Variants in NEBL observed in about 807,000 individuals in gnomAD.
The protein encoded by NEBL is LIM and SH3 protein 2.
A neutral mutation model predicts 140.2 loss-of-function variants in NEBL; 122 were observed. That is an observed-to-expected ratio of 0.87 (90% CI 0.75 to 1.01). The LOEUF (loss-of-function observed/expected upper bound fraction) is 1.01, where lower values mean the gene tolerates loss of function less well. Ranked by LOEUF, NEBL falls within the 50% of genes least tolerant of loss-of-function variation. The probability of loss-of-function intolerance (pLI) is 0.00; values close to 1 mark genes in which losing one functional copy is unlikely to be tolerated. For synonymous variants in NEBL, 436 were observed against 398.9 expected (o/e 1.09, Z -1.11); for missense variants, 1,365 against 1,231.3 (o/e 1.11, Z -1.62).
At chr10:21,067,150 T>C (rs1835600768) in intron 2 of NEBL, among the ~76,000 whole-genome samples, 1 of 151,820 alleles carries the variant, frequency 6.6e-6, no homozygotes, top group African/African-American at 2.4e-5. Flanking sequence ...TTTTGGTATT[T>C]ATAGTAGAGA....
At chr10:20,906,865 T>A (rs182989482) in intron 4 of NEBL, among the ~76,000 whole-genome samples, 1 of 152,134 alleles carries the variant, frequency 6.6e-6, no homozygotes, top group Non-Finnish European at 1.5e-5. Flanking sequence ...CTTTCTCTCC[T>A]ATTTCAATCA....
rs1166434709 is a variant in NEBL, at chr10:20,860,561, CAAAAAGAAAA to C, written c.685-745_685-736del. ...TTAGAATATAAACACAAGTTCACTA[CAAAAAGAAAA>C]AAAAAAAAAAAAAAAACCTAGCTAT... On this transcript the variant is annotated intron_variant, in intron 7 of 27. Transcript: ENST00000377122. Among the ~76,000 whole-genome samples the C allele has an allele frequency of 3.4e-3, 210 of 61,958 alleles. 5 individuals carry two copies. The East Asian group carries it at 0.081, about 24-fold the overall frequency. The allele number at this position is 61,958 out of a possible 152,430, so 40.6% of individuals were successfully genotyped here.
intron 3 of NEBL, among the ~76,000 whole-genome samples, chr10:21,196,073 A>T (rs1383990953): frequency 2.0e-5 from 3 of 151,986 alleles, no homozygotes; most frequent in Non-Finnish European, 4.4e-5. Context: ...GCACAATCTC[A>T]GCTCACTGCA....
At chr10:21,056,774 C>A (rs2131866327) in intron 2 of NEBL, among the ~76,000 whole-genome samples, 1 of 152,204 alleles carries the variant, frequency 6.6e-6, no homozygotes, top group African/African-American at 2.4e-5. Context: ...GAAAGCAAAT[C>A]ACAAAATCGT....
In NEBL at chr10:20,828,745, T is replaced by C. The variant is rs76032558; in HGVS notation, c.1672-111A>G. 6,738 of 722,636 alleles carry C rather than the reference T, an allele frequency of 9.3e-3. 272 individuals are homozygous for C. Among genetic ancestry groups the C allele is most frequent in the East Asian group, 0.076 (2,766 of 36,618 alleles). The allele number at this position is 722,636 out of a possible 1,614,324, so 44.8% of individuals were successfully genotyped here. ...GGGAGAGAGAGAGAGTAAAAAACTGTTTTTACTGACTTACACTCCCAGAGA... is the reference window on the plus strand; with the variant it reads ...GGGAGAGAGAGAGAGTAAAAAACTGCTTTTACTGACTTACACTCCCAGAGA... On this transcript the variant is annotated intron_variant, in intron 16 of 27. Coordinates refer to ENST00000377122, the MANE Select transcript of NEBL (RefSeq NM_006393.3).
intron 4 of NEBL, among the ~76,000 whole-genome samples, chr10:20,907,565 C>G (rs977827908): frequency 2.8e-4 from 42 of 152,156 alleles, no homozygotes; most frequent in African/African-American, 9.7e-4. Flanking sequence ...TTTAAGCAAA[C>G]CATTCGTTCA....
chr10:21,073,912 A>C (rs928130960), intron 2 of NEBL, among the ~76,000 whole-genome samples: 8 of 152,028 alleles, frequency 5.3e-5, no homozygotes, highest in African/African-American at 1.9e-4. Flanking sequence ...GTCTCTACTA[A>C]AAATACAAAA....
upstream of NEBL, among the ~76,000 whole-genome samples, chr10:21,178,069 C>T (rs1199581720): frequency 6.6e-6 from 1 of 152,212 alleles, no homozygotes; most frequent in Non-Finnish European, 1.5e-5. Context: ...TCAATTTTAG[C>T]TCACAGTTTC....
exon 1 of NEBL, chr10:21,174,004 G>A (rs950494129): frequency 5.9e-6 from 7 of 1,179,294 alleles, no homozygotes; most frequent in African/African-American, 1.6e-5. Flanking sequence ...GGAGGGCGAC[G>A]GGGCCTGGCG....
At chr10:20,997,657 G>A (rs1203477869) in intron 3 of NEBL, among the ~76,000 whole-genome samples, 2 of 152,006 alleles carry the variant, frequency 1.3e-5, no homozygotes, top group Non-Finnish European at 2.9e-5. Flanking sequence ...TCTATGATCA[G>A]ATCTACTTTT....
At chr10:21,112,052 G>T (rs879435470) in intron 2 of NEBL, among the ~76,000 whole-genome samples, 3 of 152,138 alleles carry the variant, frequency 2.0e-5, no homozygotes, top group Non-Finnish European at 4.4e-5. Flanking sequence ...ACCATCTCAC[G>T]CCAGTTAGAA....
intron 3 of NEBL, among the ~76,000 whole-genome samples, chr10:21,219,378 A>G (rs917716915): frequency 6.6e-6 from 1 of 152,242 alleles, no homozygotes; most frequent in Non-Finnish European, 1.5e-5. Flanking sequence ...TTGACATTCA[A>G]GAGTATTGAA....
At chr10:20,869,000 G>C (rs1844634639) in intron 6 of NEBL, among the ~76,000 whole-genome samples, 1 of 152,096 alleles carries the variant, frequency 6.6e-6, no homozygotes, top group Admixed American at 6.6e-5. Context: ...TAAGTGTTCA[G>C]TCATCATCAT....
intron 2 of NEBL, among the ~76,000 whole-genome samples, chr10:21,079,231 A>G (rs568603123): frequency 6.6e-6 from 1 of 152,286 alleles, no homozygotes; most frequent in Non-Finnish European, 1.5e-5. Context: ...GGTGGAGGGG[A>G]TAACAGGGCA....
At chr10:21,071,943 T>A (rs1835835634) in intron 2 of NEBL, among the ~76,000 whole-genome samples, 1 of 152,104 alleles carries the variant, frequency 6.6e-6, no homozygotes, top group Admixed American at 6.5e-5. Context: ...CTCAGTCTAC[T>A]GAATAGTTGG....
chr10:21,074,060 G>A lies in NEBL; in HGVS notation c.165-53859C>T, dbSNP rs111270708. ...ACTGCACTCCAGCCTGGGCGACAGA[G>A]TGAGACTCCGTCTCAAAAAAAAAAG... On this transcript the variant is annotated intron_variant, in intron 2 of 6. Transcript: ENST00000417816. Among the ~76,000 whole-genome samples the A allele has an allele frequency of 9.9e-5, 15 of 152,106 alleles. 1 individual carries two copies. Among genetic ancestry groups the A allele is most frequent in the African/African-American group, 3.6e-4 (15 of 41,448 alleles).
At chr10:20,878,962 G>A (rs918116498) in intron 5 of NEBL, among the ~76,000 whole-genome samples, 1 of 152,030 alleles carries the variant, frequency 6.6e-6, no homozygotes, top group Admixed American at 6.6e-5. Context: ...AGCCTCCCGG[G>A]GATCCGTGTA....
chr10:20,861,154 A>G (rs1843657717), intron 7 of NEBL, among the ~76,000 whole-genome samples: 1 of 152,192 alleles, frequency 6.6e-6, no homozygotes, highest in Non-Finnish European at 1.5e-5. Context: ...AGGTGGCACA[A>G]AAGCAATGAT....
chr10:21,201,029 T>C (rs1436985084), intron 3 of NEBL, among the ~76,000 whole-genome samples: 3 of 143,758 alleles, frequency 2.1e-5, no homozygotes, highest in Non-Finnish European at 4.5e-5. Context: ...TGCAGTGACC[T>C]GTGATCACAC....
Sources: allele counts gnomAD v4.1 joint callset (sites outside exome capture counted in the v4.1 genomes callset), GRCh38; gene constraint gnomAD v4.1.1; transcripts MANE v1.5; gene names NCBI Gene and HGNC (gene_info 2026-07-23, HGNC 2026-07-21).